Variants in LRP2 observed in about 807,000 individuals in gnomAD.
LRP2 encodes low-density lipoprotein receptor-related protein 2.
A neutral mutation model predicts 531.0 loss-of-function variants in LRP2; 172 were observed. That is an observed-to-expected ratio of 0.32 (90% CI 0.29 to 0.37). LRP2 has a LOEUF of 0.37. Ranked by LOEUF, LRP2 falls within the 10% of genes least tolerant of loss-of-function variation. The pLI, the probability that LRP2 is intolerant of heterozygous loss-of-function variation, is 1.00. For missense variants in LRP2, 5,167 were observed against 5,868.3 expected (o/e 0.88, Z 3.90); for synonymous variants, 1,992 against 2,027.6 (o/e 0.98, Z 0.47).
intron 3 of LRP2, among the ~76,000 whole-genome samples, chr2:169,317,134 G>T (rs1368619858): frequency 1.3e-5 from 2 of 152,158 alleles, no homozygotes; most frequent in East Asian, 1.9e-4. Flanking sequence ...CATTTAAAAT[G>T]ATATGCAATA....
intron 62 of LRP2, among the ~76,000 whole-genome samples, chr2:169,162,891 T>G (rs1686642370): frequency 6.6e-6 from 1 of 152,246 alleles, no homozygotes; most frequent in Non-Finnish European, 1.5e-5. Flanking sequence ...GCAGCACAGC[T>G]GCAAGATGCA....
chr2:169,209,740 T>A, intron 37 of LRP2, 99 bp from the exon 38 acceptor site: 1 of 1,094,396 alleles, frequency 9.1e-7, no homozygotes. Context: ...AACCCCCTGC[T>A]CTGAGCATCT....
intron 34 of LRP2, among the ~76,000 whole-genome samples, chr2:169,219,021 C>A (rs757620554): frequency 6.6e-6 from 1 of 152,178 alleles, no homozygotes; most frequent in Non-Finnish European, 1.5e-5. Context: ...AACTAACACA[C>A]CACCCAACAA....
intron 14 of LRP2, among the ~76,000 whole-genome samples, chr2:169,274,685 T>C (rs1683506183): frequency 6.6e-6 from 1 of 152,132 alleles, no homozygotes; most frequent in Admixed American, 6.6e-5. Flanking sequence ...ACTGTAATAT[T>C]AGAAGTTTGA....
Position 169,173,162 on chromosome 2 carries a change from T to C in LRP2, c.11077A>G (p.Ile3693Val), listed in dbSNP as rs1687064477. The C allele has an allele frequency of 6.2e-7, 1 of 1,614,192 alleles. No individual in the cohort carries two copies. Among genetic ancestry groups the C allele is most frequent in the Non-Finnish European group, 8.5e-7 (1 of 1,180,030 alleles). ...CCATTGCACACGGCCCACTTTGGGA[T>C]GCAGCGGTAATTTGTTTTGCAGCTG... ...EFSCKTNYRC[I>V]PKWAVCNGVD... Residue 3693 changes from isoleucine (I) to valine (V), a missense_variant, in exon 57 of 79, where the codon ATC (isoleucine) becomes GTC (valine). Physicochemically the swap from Ile to Val is conservative, Grantham distance 29 (BLOSUM62 3). Transcript: ENST00000649046.
chr2:169,290,859 G>C lies in LRP2; in HGVS notation c.908C>G (p.Thr303Ser). The C allele has an allele frequency of 6.2e-7, 1 of 1,614,040 alleles. No individual in the cohort carries two copies. Among genetic ancestry groups the C allele is most frequent in the Non-Finnish European group, 8.5e-7 (1 of 1,179,970 alleles). The change falls in exon 8 of 79, where the codon ACC becomes AGC. Residue 303 changes from threonine (T) to serine (S), a missense_variant. Thr to Ser is a moderately conservative substitution (Grantham distance 58). Around this residue, in one of 6 missense-constraint regions of LRP2, gnomAD observed 2,811 missense variants for 3,058.0 expected, o/e 0.92. Transcript: ENST00000649046. ...PGREDENNTSTGKYCSMTLCS... is the reference protein window; with the variant it reads ...PGREDENNTSSGKYCSMTLCS... ...TCTATACTCACTACAGTATTTTCCG[G>C]TACTAGTGTTGTTTTCATCTTCTCT...
chr2:169,295,996 T>C (rs943975533), intron 4 of LRP2, among the ~76,000 whole-genome samples: 1 of 152,158 alleles, frequency 6.6e-6, no homozygotes, highest in Admixed American at 6.5e-5. Context: ...TTTGAGATTT[T>C]ATAGAGATAT....
intron 63 of LRP2, among the ~76,000 whole-genome samples, chr2:169,157,915 T>TAAAAATAA (rs1686394699): frequency 1.6e-5 from 1 of 61,292 alleles, no homozygotes; most frequent in Non-Finnish European, 3.5e-5. Flanking sequence ...AGATAACAGA[T>TAAAAATAA]AGAAATAAAT....
chr2:169,218,355 T>C (rs1688869981), intron 34 of LRP2, among the ~76,000 whole-genome samples: 1 of 152,136 alleles, frequency 6.6e-6, no homozygotes, highest in South Asian at 2.1e-4. Context: ...ATTCTAGGTA[T>C]GCTTTAAGAT....
chr2:169,173,260 G>A (rs62172586), intron 56 of LRP2, 36 bp from the exon 57 acceptor site: 45,436 of 1,613,254 alleles, frequency 0.028, 741 homozygotes, highest in Non-Finnish European at 0.032. Flanking sequence ...CAGAACTGAA[G>A]GTACAAGAAA....
intron 1 of LRP2, among the ~76,000 whole-genome samples, chr2:169,346,264 G>A (rs1183748891): frequency 6.6e-6 from 1 of 152,166 alleles, no homozygotes; most frequent in African/African-American, 2.4e-5. Context: ...ACAGCAAGAA[G>A]CATCTAACTT....
rs1553482963 is a variant in LRP2, at chr2:169,127,555, A to AAC, written c.*1107_*1108insGT. The AAC allele has an allele frequency of 6.6e-6, 1 of 150,858 alleles. No individual in the cohort carries two copies. The highest frequency in any genetic ancestry group is 2.4e-5 in the African/African-American group (1 of 40,890). The allele number at this position is 150,858 out of a possible 1,614,324, so 9.3% of individuals were successfully genotyped here. On this transcript the variant is annotated 3_prime_UTR_variant, in exon 79 of 79. Coordinates refer to ENST00000649046, the MANE Select transcript of LRP2 (RefSeq NM_004525.3). ...CTCTAAAAAAAAAAAAAAAAAAAAA[A>AAC]CCAATAAGAATTAAAGAAAAGATCT...
intron 61 of LRP2, among the ~76,000 whole-genome samples, chr2:169,168,040 T>TATATATATATATATATAC (rs1686852319): frequency 7.3e-6 from 1 of 136,630 alleles, no homozygotes; most frequent in Non-Finnish European, 1.6e-5. Flanking sequence ...TATATATATA[T>TATATATATATATATATAC]ATATATGCAT....
chr2:169,183,238 G>T (rs1423476907), intron 50 of LRP2, among the ~76,000 whole-genome samples: 2 of 152,184 alleles, frequency 1.3e-5, no homozygotes, highest in Non-Finnish European at 2.9e-5. Flanking sequence ...ATTCATGCTG[G>T]ATATCTGAAT....
intron 66 of LRP2, 92 bp from the exon 67 acceptor site, chr2:169,153,056 T>C (rs750815529): frequency 1.5e-5 from 17 of 1,102,356 alleles, no homozygotes; most frequent in East Asian, 2.4e-5. Flanking sequence ...TGTTCGTTTA[T>C]TGACATCTCT....
chr2:169,234,756 T>C (rs890568106), intron 29 of LRP2, among the ~76,000 whole-genome samples: 1 of 152,190 alleles, frequency 6.6e-6, no homozygotes, highest in Non-Finnish European at 1.5e-5. Flanking sequence ...GTAAAAGCAT[T>C]CCTATTTTTA....
chr2:169,290,177 C>A (rs1227346813), intron 8 of LRP2, among the ~76,000 whole-genome samples: 2 of 143,050 alleles, frequency 1.4e-5, no homozygotes, highest in Non-Finnish European at 3.0e-5. Context: ...TGTGGTCACA[C>A]AAGACATAAT....
intron 71 of LRP2, among the ~76,000 whole-genome samples, chr2:169,141,297 C>T (rs1685710443): frequency 6.6e-6 from 1 of 152,136 alleles, no homozygotes; most frequent in Non-Finnish European, 1.5e-5. Flanking sequence ...AAGGACAATC[C>T]CCACTCACCC....
chr2:169,242,384 T>C (rs1349138661), intron 24 of LRP2, among the ~76,000 whole-genome samples: 1 of 152,224 alleles, frequency 6.6e-6, no homozygotes, highest in Non-Finnish European at 1.5e-5. Context: ...CTAGAAGAAA[T>C]TTCTTTTCTC....
Sources: gnomAD v4.1 joint callset for allele counts (sites outside exome capture counted in the v4.1 genomes callset) on GRCh38, gnomAD v4.1.1 for gene constraint, gnomAD v4.1.1 regional missense constraint, MANE v1.5 for transcripts, NCBI Gene and HGNC (gene_info 2026-07-23, HGNC 2026-07-21) for gene names.